RNASE4: variants seen among roughly 807,000 people sequenced by gnomAD.
The protein encoded by RNASE4 is ribonuclease A family member 4, also known as ribonuclease 4.
For synonymous variants in RNASE4, 93 were observed against 71.4 expected (o/e 1.30, Z -1.52); for missense variants, 194 against 192.8 (o/e 1.01, Z -0.04).
intron 1 of RNASE4, chr14:20,693,749 C>G (rs148905586): frequency 6.2e-7 from 1 of 1,614,136 alleles, no homozygotes; most frequent in Non-Finnish European, 8.5e-7. Flanking sequence ...CTGACCTCAC[C>G]CTGCAAAGAC....
chr14:20,686,958 G>A (rs550844665), intron 1 of RNASE4, among the ~76,000 whole-genome samples: 3 of 152,156 alleles, frequency 2.0e-5, no homozygotes, highest in Non-Finnish European at 4.4e-5. Context: ...CGTGCATCCC[G>A]TGTCTGTGTG....
At chr14:20,690,502 G>A (rs1356100838) in intron 1 of RNASE4, among the ~76,000 whole-genome samples, 1 of 152,090 alleles carries the variant, frequency 6.6e-6, no homozygotes, top group Non-Finnish European at 1.5e-5. Flanking sequence ...AGAAAGTTTT[G>A]AGTGAGGGAG....
chr14:20,692,486 C>A (rs1886812918), intron 1 of RNASE4, among the ~76,000 whole-genome samples: 1 of 152,248 alleles, frequency 6.6e-6, no homozygotes, highest in African/African-American at 2.4e-5. Context: ...GTGGCCTGTC[C>A]GCCTAAGCTC....
rs561571578 is a variant in RNASE4, at chr14:20,701,021, G to A, written c.*1206G>A. ...TGACATTCCTTCTCCTGGACAATTAGACTCAGGAGCTCCCCACCAGAGCAC... is the reference window on the plus strand; with the variant it reads ...TGACATTCCTTCTCCTGGACAATTAAACTCAGGAGCTCCCCACCAGAGCAC... On this transcript the variant is annotated 3_prime_UTR_variant, in exon 2 of 2. Transcript: ENST00000555835. 51 of 152,214 alleles carry A rather than the reference G, an allele frequency of 3.4e-4. No homozygotes were observed. The highest frequency in any genetic ancestry group is 8.7e-4 in the African/African-American group (36 of 41,512). The allele number at this position is 152,214 out of a possible 1,614,324, so 9.4% of individuals were successfully genotyped here.
At chr14:20,687,175 A>G (rs1004293432) in intron 1 of RNASE4, among the ~76,000 whole-genome samples, 2 of 152,372 alleles carry the variant, frequency 1.3e-5, no homozygotes, top group Non-Finnish European at 2.9e-5. Context: ...AACACAAATG[A>G]CTAAGTGCTT....
At chr14:20,688,960 C>A in intron 1 of RNASE4, 1 of 650,216 alleles carries the variant, frequency 1.5e-6, no homozygotes, top group Non-Finnish European at 1.9e-6. Flanking sequence ...TTAAAGCCTC[C>A]AGGCTCAAGC....
chr14:20,693,664 C>T (rs767709995), intron 1 of RNASE4: 1 of 1,614,164 alleles, frequency 6.2e-7, no homozygotes. Context: ...CACACACTTC[C>T]TGACCCAGCA....
chr14:20,693,380 G>A (rs2139022916), intron 1 of RNASE4: 2 of 831,746 alleles, frequency 2.4e-6, no homozygotes, highest in Non-Finnish European at 3.8e-6. Flanking sequence ...CGCAGGAAGG[G>A]ATTGACGAAG....
Position 20,699,412 on chromosome 14 carries a change from T to C in RNASE4, c.41T>C (p.Leu14Pro). ...QRTHSLLLLL[L>P]LTLLGLGLVQ... ...ACCCATTCATTGCTTCTGCTTTTGC[T>C]GCTGACCCTGCTGGGGCTGGGGCTG... Residue 14 changes from leucine to proline, a missense_variant, in exon 2 of 2, where the codon CTG becomes CCG. Transcript: ENST00000555835. 6.2e-7 allele frequency: 1 copy of C among 1,608,874 alleles called. No homozygotes were observed. The highest frequency in any genetic ancestry group is 8.5e-7 in the Non-Finnish European group (1 of 1,176,416).
chr14:20,692,947 A>C (rs1350534052), intron 1 of RNASE4, among the ~76,000 whole-genome samples: 5 of 152,094 alleles, frequency 3.3e-5, no homozygotes, highest in Non-Finnish European at 5.9e-5. Context: ...TCCCGGGTTC[A>C]CGCCATTCTC....
chr14:20,698,251 G>A (rs1255201036), intron 1 of RNASE4, among the ~76,000 whole-genome samples: 1 of 151,910 alleles, frequency 6.6e-6, no homozygotes, highest in Non-Finnish European at 1.5e-5. Context: ...CAATGATGCT[G>A]CAACCAGAGA....
At chr14:20,687,082 G>A (rs2139000721) in intron 1 of RNASE4, among the ~76,000 whole-genome samples, 1 of 152,238 alleles carries the variant, frequency 6.6e-6, no homozygotes, top group Admixed American at 6.5e-5. Context: ...TTTTGCAATT[G>A]GCGATTCCTT....
intron 1 of RNASE4, among the ~76,000 whole-genome samples, chr14:20,694,835 T>A (rs1275509853): frequency 6.6e-6 from 1 of 152,062 alleles, no homozygotes; most frequent in Non-Finnish European, 1.5e-5. Context: ...AGTACCAACA[T>A]ACCAACAGAT....
At chr14:20,695,098 G>A (rs1439383278) in intron 1 of RNASE4, among the ~76,000 whole-genome samples, 1 of 152,126 alleles carries the variant, frequency 6.6e-6, no homozygotes, top group Non-Finnish European at 1.5e-5. Flanking sequence ...ATGTTTTGGG[G>A]AAGTTATAGA....
intron 1 of RNASE4, among the ~76,000 whole-genome samples, chr14:20,692,772 C>T (rs1951743899): frequency 1.3e-5 from 2 of 152,202 alleles, no homozygotes; most frequent in Non-Finnish European, 2.9e-5. Context: ...ATTACTATCT[C>T]ATCTCAGTAC....
chr14:20,688,629 TTAA>T (rs1207347540), intron 1 of RNASE4: 1 of 923,956 alleles, frequency 1.1e-6, no homozygotes, highest in African/African-American at 1.8e-5. Context: ...TTCAGGTGGG[TTAA>T]TATCTAACCC....
At chr14:20,693,129 G>A (rs1454922713) in intron 1 of RNASE4, among the ~76,000 whole-genome samples, 3 of 152,188 alleles carry the variant, frequency 2.0e-5, no homozygotes, top group African/African-American at 7.2e-5. Context: ...TTACAGGCGT[G>A]AGCCACCGCG....
At chr14:20,697,223 G>A (rs1020918372) in intron 1 of RNASE4, among the ~76,000 whole-genome samples, 1 of 152,114 alleles carries the variant, frequency 6.6e-6, no homozygotes, top group Non-Finnish European at 1.5e-5. Context: ...CCATATTTTT[G>A]GTCACAAAGA....
chr14:20,699,902 G>C lies in RNASE4; in HGVS notation c.*87G>C. 7.0e-6 allele frequency: 8 copies of C among 1,142,418 alleles called. No homozygotes were observed. The highest frequency in any genetic ancestry group is 1.0e-5 in the Non-Finnish European group (8 of 773,900). 70.8% of individuals were successfully genotyped at this position (1,142,418 alleles called of 1,614,324 possible). On this transcript the variant is annotated 3_prime_UTR_variant, in exon 2 of 2. Coordinates refer to ENST00000555835, the MANE Select transcript of RNASE4 (RefSeq NM_002937.5). ...GAGTAATGCATTTGAGCTGTCCCAG[G>C]CTCTGTCTCCTCAGCTCATTTCCTA...
Sources: allele counts gnomAD v4.1 joint callset (sites outside exome capture counted in the v4.1 genomes callset), GRCh38; gene constraint gnomAD v4.1.1; transcripts MANE v1.5; gene names NCBI Gene and HGNC (gene_info 2026-07-23, HGNC 2026-07-21).